WDR76: variants seen among roughly 807,000 people sequenced by gnomAD.
WDR76 encodes WD repeat-containing protein 76.
In WDR76, 52 loss-of-function variants were observed where a neutral mutation model predicts 70.2. That is an observed-to-expected ratio of 0.74 (90% confidence interval 0.59 to 0.93). The LOEUF (loss-of-function observed/expected upper bound fraction) is 0.93, where lower values mean the gene tolerates loss of function less well. Among genes scored for constraint, WDR76 ranks in the 40% least tolerant of loss-of-function variants. WDR76 has a pLI of 0.00. For synonymous variants in WDR76, 292 were observed against 271.1 expected (o/e 1.08, Z -0.76); for missense variants, 756 against 760.2 (o/e 0.99, Z 0.07).
chr15:43,856,740 A>G (rs2087931816), intron 9 of WDR76, among the ~76,000 whole-genome samples: 1 of 152,158 alleles, frequency 6.6e-6, no homozygotes, highest in Non-Finnish European at 1.5e-5. Flanking sequence ...TTCCCAACAC[A>G]TAGAAATGAT....
intron 5 of WDR76, among the ~76,000 whole-genome samples, chr15:43,840,941 T>C (rs528573090): frequency 6.6e-6 from 1 of 151,910 alleles, no homozygotes; most frequent in Non-Finnish European, 1.5e-5. Flanking sequence ...TTATTTACAT[T>C]GTAACTATCA....
chr15:43,836,486 T>C (rs900486844), intron 4 of WDR76, among the ~76,000 whole-genome samples: 2 of 152,220 alleles, frequency 1.3e-5, no homozygotes, highest in Admixed American at 1.3e-4. Flanking sequence ...TTCCACTAAA[T>C]TACTGTCACT....
rs1595455082 is a variant in WDR76 at position 43,861,440 on chromosome 15, T to G, written c.1616+54T>G. The G allele has an allele frequency of 2.1e-6, 3 of 1,458,676 alleles. No homozygotes were observed. In the East Asian group the frequency reaches 6.8e-5, roughly 33 times the overall value. 90.4% of individuals were successfully genotyped at this position (1,458,676 alleles called of 1,614,324 possible). ...ATGTGGATTACTATGAACTATTTGT[T>G]GCAGTGCATACATTAGACATCTGAT... On this transcript the variant is annotated intron_variant, in intron 12 of 12. Transcript: ENST00000263795.
chr15:43,841,662 T>A (rs2087727219), intron 5 of WDR76, among the ~76,000 whole-genome samples: 1 of 152,044 alleles, frequency 6.6e-6, no homozygotes, highest in Non-Finnish European at 1.5e-5. Flanking sequence ...CTATTCTCAT[T>A]CACTACAACA....
chr15:43,829,990 TTTTC>T (rs2087566494), intron 2 of WDR76, among the ~76,000 whole-genome samples: 1 of 151,834 alleles, frequency 6.6e-6, no homozygotes, highest in Non-Finnish European at 1.5e-5. Flanking sequence ...TGCATATCTT[TTTTC>T]TTTTTCTTTC....
rs188322120 is a variant in WDR76 at position 43,839,426 on chromosome 15, A to G, written c.609-179A>G. ...TAACAGACCTCACCTCTTTTTGATGAACATTTAGGTTTGTTTTTTCCATAC... is the reference window on the plus strand; with the variant it reads ...TAACAGACCTCACCTCTTTTTGATGGACATTTAGGTTTGTTTTTTCCATAC... On this transcript the variant is annotated intron_variant, in intron 4 of 12. Coordinates refer to ENST00000263795, the MANE Select transcript of WDR76 (RefSeq NM_024908.4). Among the ~76,000 whole-genome samples, 3 of 152,278 alleles carry G rather than the reference A, an allele frequency of 2.0e-5. No individual in the cohort carries two copies. In the East Asian group the frequency reaches 5.8e-4, roughly 29 times the overall value.
intron 4 of WDR76, among the ~76,000 whole-genome samples, chr15:43,836,786 C>A (rs775672823): frequency 4.6e-5 from 7 of 151,136 alleles, no homozygotes; most frequent in African/African-American, 1.7e-4. Context: ...AATCCCAGCA[C>A]TTTGGGAGGT....
rs1279646987 is a variant in WDR76, at chr15:43,828,174, C to G, written c.270C>G (p.Cys90Trp). ...ACKKTKIKKT[C>W]RRIIPPKMKN... ...AGAAGACTAAAATAAAGAAAACTTG[C>G]AGAAGGATTATACCTCCAAAGATGA... Residue 90 changes from cysteine to tryptophan, a missense_variant, in exon 2 of 13, where the codon TGC becomes TGG. Transcript: ENST00000263795. 1 of 1,614,016 alleles carries G rather than the reference C, an allele frequency of 6.2e-7. No homozygotes were observed. The highest frequency in any genetic ancestry group is 1.7e-5 in the Admixed American group (1 of 59,966).
intron 9 of WDR76, among the ~76,000 whole-genome samples, chr15:43,852,812 A>G (rs1264458301): frequency 6.6e-6 from 1 of 152,218 alleles, no homozygotes; most frequent in Non-Finnish European, 1.5e-5. Flanking sequence ...ATGGCTGCAT[A>G]ATATGCCATT....
At chr15:43,856,182 T>A (rs1459547551) in intron 9 of WDR76, among the ~76,000 whole-genome samples, 1 of 152,164 alleles carries the variant, frequency 6.6e-6, no homozygotes, top group Non-Finnish European at 1.5e-5. Flanking sequence ...TTTAACCAGA[T>A]CTCTCTTGGT....
intron 10 of WDR76, chr15:43,857,411 A>G (rs773883919): frequency 3.8e-5 from 36 of 953,646 alleles, no homozygotes; most frequent in Non-Finnish European, 4.5e-5. Context: ...TTGGCATTAT[A>G]TGCATTCGCC....
chr15:43,855,848 C>CA (rs374594304), intron 9 of WDR76, among the ~76,000 whole-genome samples: 21,784 of 110,684 alleles, frequency 0.2, 1,991 homozygotes, highest in East Asian at 0.32. Context: ...GACTCTGTCT[C>CA]AAAAAAAAAA....
intron 2 of WDR76, among the ~76,000 whole-genome samples, chr15:43,830,247 C>A (rs1215252560): frequency 3.3e-5 from 5 of 152,150 alleles, no homozygotes; most frequent in African/African-American, 1.2e-4. Flanking sequence ...ATTAGGTTAT[C>A]CCTTTGGCCT....
At chr15:43,850,877 G>C (rs1267434582) in intron 8 of WDR76, among the ~76,000 whole-genome samples, 2 of 152,102 alleles carry the variant, frequency 1.3e-5, no homozygotes, top group Non-Finnish European at 2.9e-5. Flanking sequence ...AATGTGACTT[G>C]GTATTGTTGG....
intron 10 of WDR76, among the ~76,000 whole-genome samples, chr15:43,858,340 C>T (rs530173227): frequency 2.6e-5 from 4 of 151,878 alleles, no homozygotes; most frequent in South Asian, 2.1e-4. Flanking sequence ...CTGCAACCTC[C>T]GCCTCCCAGG....
intron 8 of WDR76, among the ~76,000 whole-genome samples, chr15:43,845,120 C>T (rs1162150042): frequency 6.8e-6 from 1 of 146,744 alleles, no homozygotes; most frequent in African/African-American, 2.4e-5. Flanking sequence ...TGCCACCATG[C>T]CTGGCTAATT....
chr15:43,836,755 G>A (rs1346381599), intron 4 of WDR76, among the ~76,000 whole-genome samples: 19 of 151,870 alleles, frequency 1.3e-4, no homozygotes, highest in Non-Finnish European at 1.3e-4. Context: ...TTGTTGGCTG[G>A]GTGCAGTGGC....
chr15:43,834,927 A>C, intron 2 of WDR76, 134 bp from the exon 3 acceptor site: 1 of 748,424 alleles, frequency 1.3e-6, no homozygotes, highest in East Asian at 2.8e-5. Flanking sequence ...CTGTTTTGGT[A>C]AGATGATGAA....
chr15:43,832,770 T>TTTG (rs60391268), intron 2 of WDR76, among the ~76,000 whole-genome samples: 1 of 130,284 alleles, frequency 7.7e-6, no homozygotes, highest in Non-Finnish European at 1.6e-5. Flanking sequence ...TTTTTTTTTT[T>TTTG]GAGACAGTCT....
Sources: allele counts gnomAD v4.1 joint callset (sites outside exome capture counted in the v4.1 genomes callset), GRCh38; gene constraint gnomAD v4.1.1; transcripts MANE v1.5; gene names NCBI Gene and HGNC (gene_info 2026-07-23, HGNC 2026-07-21).